The following LRP2 variants were observed in gnomAD, a reference collection of about 807,000 sequenced individuals.
LRP2 encodes the protein low-density lipoprotein receptor-related protein 2.
Under a neutral mutation model 531.0 loss-of-function variants are expected in LRP2, and 172 were observed. The observed-to-expected ratio is 0.32, with a 90% CI of 0.29 to 0.37. The LOEUF (loss-of-function observed/expected upper bound fraction) is 0.37, where lower values mean the gene tolerates loss of function less well. Ranked by LOEUF, LRP2 falls within the 10% of genes least tolerant of loss-of-function variation. The pLI is 1.00. For synonymous variants in LRP2, 1,992 were observed against 2,027.6 expected (o/e 0.98, Z 0.47); for missense variants, 5,167 against 5,868.3 (o/e 0.88, Z 3.90).
At chr2:169,265,564 T>C (rs1332384919) in intron 16 of LRP2, among the ~76,000 whole-genome samples, 1 of 152,054 alleles carries the variant, frequency 6.6e-6, no homozygotes, top group African/African-American at 2.4e-5. Flanking sequence ...ATAGAAATGG[T>C]ACTCAGAATG....
Position 169,138,563 on chromosome 2 carries a change from G to T in LRP2, c.13518+14C>A. ...ATGACAACCTTCAAATAATCATTTT[G>T]AAACCATACTCACCATTGCCATTGA... On this transcript the variant is annotated intron_variant, in intron 75 of 78. Transcript: ENST00000649046. 6.2e-7 allele frequency: 1 copy of T among 1,613,310 alleles called. No individual in the cohort carries two copies. Among genetic ancestry groups the T allele is most frequent in the South Asian group, 1.1e-5 (1 of 91,046 alleles).
Position 169,188,109 on chromosome 2 carries a change from C to A in LRP2, c.9189G>T (p.Glu3063Asp). Residue 3063 changes from glutamate to aspartate, a missense_variant, in exon 49 of 79, where the codon GAG becomes GAT. Glu to Asp is a conservative substitution (Grantham distance 45, BLOSUM62 2). This residue lies in a region of LRP2 where 1,129 missense variants were observed against 1,362.7 expected (regional missense o/e 0.83). Coordinates refer to ENST00000649046, the MANE Select transcript of LRP2 (RefSeq NM_004525.3). The part of the protein sequence containing the change: ...EDNDCGDGSD[E>D]LMHLCHTPEP... ...CTGGGGTGTGGCACAGGTGCATCAGCTCATCAGATCCGTCTCCACAGTCAT... is the reference window on the plus strand; with the variant it reads ...CTGGGGTGTGGCACAGGTGCATCAGATCATCAGATCCGTCTCCACAGTCAT... The A allele has an allele frequency of 6.2e-7, 1 of 1,614,150 alleles. No individual in the cohort carries two copies. Among genetic ancestry groups the A allele is most frequent in the East Asian group, 2.2e-5 (1 of 44,888 alleles).
At chr2:169,212,340 AT>A (rs1274628882) in intron 36 of LRP2, 133 bp from the exon 37 acceptor site, 2 of 1,118,300 alleles carry the variant, frequency 1.8e-6, no homozygotes, top group East Asian at 5.0e-5. Context: ...TGAGTTAGCA[AT>A]CTAAAAACAA....
chr2:169,207,844 C>T lies in LRP2; in HGVS notation c.6470-594G>A, dbSNP rs189502334. 5.6e-4 allele frequency among the ~76,000 whole-genome samples: 86 copies of T among 152,220 alleles called. 1 individual carries two copies. Among genetic ancestry groups the T allele is most frequent in the East Asian group, 7.7e-4 (4 of 5,182 alleles). ...TGTACATGCTAGAATAAAAAGATAA[C>T]TTTATGAAGATAGTATAATAAGTAG... is the stretch of plus-strand genomic sequence containing the variant. On this transcript the variant is annotated intron_variant, in intron 38 of 78. Transcript: ENST00000649046.
At chr2:169,193,961 G>A (rs1687918122) in intron 46 of LRP2, 69 bp from the exon 47 acceptor site, 2 of 1,567,892 alleles carry the variant, frequency 1.3e-6, no homozygotes, top group Non-Finnish European at 1.8e-6. Context: ...AGACAAGCTG[G>A]TTGTAGCATG....
chr2:169,189,866 AAG>A (rs970245080), intron 48 of LRP2, among the ~76,000 whole-genome samples: 13 of 152,166 alleles, frequency 8.5e-5, no homozygotes, highest in Non-Finnish European at 7.3e-5. Flanking sequence ...GAAAAAAAGA[AAG>A]AGAGAGAGAA....
chr2:169,352,020 G>A (rs2105577261), intron 1 of LRP2, among the ~76,000 whole-genome samples: 1 of 152,266 alleles, frequency 6.6e-6, no homozygotes, highest in South Asian at 2.1e-4. Flanking sequence ...GTTGAGGCTG[G>A]GATACAAAGG....
chr2:169,322,232 C>G (rs1052795233), intron 1 of LRP2, among the ~76,000 whole-genome samples: 2 of 152,156 alleles, frequency 1.3e-5, no homozygotes, highest in African/African-American at 4.8e-5. Flanking sequence ...TGTGTAAATG[C>G]AGGCATATCA....
rs914713438 is a variant in LRP2 at position 169,237,167 on chromosome 2, T to G, written c.4627A>C (p.Arg1543=). ...AGGTTTTTACTAATCAGCACAGTCC[T>G]GTGGCTCCCATCAATTTTGGAGACT... ...IEVSKIDGSH[R]TVLISKNLTN... Residue 1543 remains arginine (R), a synonymous_variant, in exon 28 of 79, where the codon AGG becomes CGG. Transcript: ENST00000649046. 2 of 1,613,898 alleles carry G rather than the reference T, an allele frequency of 1.2e-6. No individual in the cohort carries two copies. Among genetic ancestry groups the G allele is most frequent in the African/African-American group, 1.3e-5 (1 of 74,922 alleles).
intron 76 of LRP2, among the ~76,000 whole-genome samples, chr2:169,135,862 C>T (rs1051590882): frequency 2.6e-5 from 4 of 152,202 alleles, no homozygotes; most frequent in Admixed American, 6.5e-5. Context: ...ATTCACCGTT[C>T]TCAACTACTC....
chr2:169,150,568 A>T (rs953222136), intron 68 of LRP2, among the ~76,000 whole-genome samples: 4 of 152,234 alleles, frequency 2.6e-5, no homozygotes, highest in East Asian at 1.9e-4. Flanking sequence ...AAAACATCCA[A>T]ATGAAAGGAA....
At chr2:169,268,396 A>G (rs962549125) in intron 16 of LRP2, among the ~76,000 whole-genome samples, 1 of 152,172 alleles carries the variant, frequency 6.6e-6, no homozygotes, top group African/African-American at 2.4e-5. Flanking sequence ...TCACATCAAA[A>G]AGCTTATCCA....
chr2:169,357,968 G>A (rs1441549028), intron 1 of LRP2, among the ~76,000 whole-genome samples: 1 of 152,138 alleles, frequency 6.6e-6, no homozygotes, highest in Non-Finnish European at 1.5e-5. Flanking sequence ...AATGGATCTG[G>A]AGGTATGGTC....
chr2:169,269,553 T>A (rs74624697), intron 16 of LRP2, among the ~76,000 whole-genome samples: 1 of 152,148 alleles, frequency 6.6e-6, no homozygotes, highest in African/African-American at 2.4e-5. Flanking sequence ...CTAGCCATAT[T>A]TAGAAAGCTG....
At chr2:169,326,882 G>A (rs1031762392) in intron 1 of LRP2, among the ~76,000 whole-genome samples, 1 of 151,676 alleles carries the variant, frequency 6.6e-6, no homozygotes, top group African/African-American at 2.4e-5. Flanking sequence ...CGTCTGGGAT[G>A]TGAGGAGTGC....
intron 49 of LRP2, among the ~76,000 whole-genome samples, 155 bp downstream of exon 49, chr2:169,187,815 C>A (rs902000331): frequency 2.0e-5 from 3 of 152,148 alleles, no homozygotes; most frequent in African/African-American, 7.2e-5. Context: ...TCTTATATAC[C>A]AAGAAACTTT....
chr2:169,172,064 C>G lies in LRP2; in HGVS notation c.11214G>C (p.Gln3738His), dbSNP rs766998847. The change falls in exon 58 of 79, where the codon CAG becomes CAC. Residue 3738 changes from glutamine to histidine, a missense_variant. Physicochemically the swap from Gln to His is conservative, Grantham distance 24. This residue lies in a region of LRP2 where 311 missense variants were observed against 309.4 expected (regional missense o/e 1.01). Coordinates refer to ENST00000649046, the MANE Select transcript of LRP2 (RefSeq NM_004525.3). ...KNHHCIPLRW[Q>H]CDGQNDCGDN... ...CTCCACAGTCATTTTGCCCATCACA[C>G]TGCCAACGAAGAGGGATGCAGTGGT... is the stretch of plus-strand genomic sequence containing the variant. 2 of 1,614,222 alleles carry G rather than the reference C, an allele frequency of 1.2e-6. No homozygotes were observed. The highest frequency in any genetic ancestry group is 1.7e-6 in the Non-Finnish European group (2 of 1,180,036).
At chr2:169,255,034 A>T (rs1322923445) in intron 19 of LRP2, among the ~76,000 whole-genome samples, 1 of 152,190 alleles carries the variant, frequency 6.6e-6, no homozygotes, top group African/African-American at 2.4e-5. Context: ...CTAACTATTC[A>T]TTCCACACAT....
intron 16 of LRP2, among the ~76,000 whole-genome samples, chr2:169,262,941 G>A (rs550023001): frequency 5.9e-5 from 9 of 152,010 alleles, no homozygotes; most frequent in East Asian, 5.8e-4. Context: ...AAATAACGCC[G>A]TATATCTACA....
Sources: gnomAD v4.1 joint callset for allele counts (sites outside exome capture counted in the v4.1 genomes callset) on GRCh38, gnomAD v4.1.1 for gene constraint, gnomAD v4.1.1 regional missense constraint, MANE v1.5 for transcripts, NCBI Gene and HGNC (gene_info 2026-07-23, HGNC 2026-07-21) for gene names.